ZBBX: variants seen among roughly 807,000 people sequenced by gnomAD.
ZBBX encodes the protein zinc finger B-box domain-containing protein 1.
In ZBBX, 101 loss-of-function variants were observed where a neutral mutation model predicts 108.5. The ratio of observed to expected loss-of-function variants is 0.93; its 90% CI spans 0.79 to 1.10. ZBBX has a LOEUF of 1.10. Among genes scored for constraint, ZBBX ranks in the 50% least tolerant of loss-of-function variants. ZBBX has a pLI of 0.00. For synonymous variants in ZBBX, 356 were observed against 323.4 expected (o/e 1.10, Z -1.08); for missense variants, 1,009 against 941.4 (o/e 1.07, Z -0.94).
chr3:167,286,547 T>G (rs972183056), intron 19 of ZBBX, among the ~76,000 whole-genome samples: 4 of 152,094 alleles, frequency 2.6e-5, no homozygotes, highest in Admixed American at 2.0e-4. Context: ...GAAGTAAAAG[T>G]GAAAATGGGA....
chr3:167,394,238 G>A (rs950075198), intron 1 of ZBBX, among the ~76,000 whole-genome samples: 1 of 151,858 alleles, frequency 6.6e-6, no homozygotes, highest in Admixed American at 6.6e-5. Context: ...GTTTCAAAGG[G>A]TTTTTCAGTG....
At chr3:167,185,684 C>T in the ZBBX span, among the ~76,000 whole-genome samples, 9 of 152,156 alleles carry the variant, frequency 5.9e-5, no homozygotes, top group Non-Finnish European at 7.4e-5. Flanking sequence ...CATTCACAAC[C>T]TTGCCATTCC....
chr3:167,238,183 G>A (rs1235152232), downstream of ZBBX, among the ~76,000 whole-genome samples: 1 of 151,906 alleles, frequency 6.6e-6, no homozygotes, highest in Non-Finnish European at 1.5e-5. Flanking sequence ...TTTAACTATA[G>A]ATACTAAAAT....
chr3:167,368,857 T>C, intron 4 of ZBBX: 1 of 397,338 alleles, frequency 2.5e-6, no homozygotes, highest in Non-Finnish European at 3.6e-6. Context: ...TTTTTATATA[T>C]GAACAAATAT....
chr3:167,265,598 C>A (rs1725319749), intron 20 of ZBBX, among the ~76,000 whole-genome samples: 1 of 152,158 alleles, frequency 6.6e-6, no homozygotes, highest in Non-Finnish European at 1.5e-5. Flanking sequence ...TGGTGTCTCT[C>A]TAGGTCATGT....
the ZBBX span, among the ~76,000 whole-genome samples, chr3:167,218,798 A>C: frequency 6.6e-6 from 1 of 152,094 alleles, no homozygotes; most frequent in Non-Finnish European, 1.5e-5. Flanking sequence ...GATTGCATAT[A>C]AATGGACTAA....
At position 167,329,343 on chromosome 3, in the gene ZBBX, A is replaced by G. The variant is rs561364013; in HGVS notation, c.688-1227T>C. On this transcript the variant is annotated intron_variant, in intron 10 of 21. Coordinates refer to ENST00000675490, the MANE Select transcript of ZBBX (RefSeq NM_001199201.2). ...TTAAGACATGAGAGTATAAATCTCT[A>G]TGTTCAGCCCGCAATTGAAAAATAA... is the stretch of plus-strand genomic sequence containing the variant. Among the ~76,000 whole-genome samples the G allele has an allele frequency of 9.2e-5, 14 of 152,340 alleles. 1 individual carries two copies. In the South Asian group the frequency reaches 1.0e-3, roughly 11 times the overall value.
chr3:167,289,298 T>C (rs1230372827), intron 18 of ZBBX, among the ~76,000 whole-genome samples: 2 of 152,022 alleles, frequency 1.3e-5, no homozygotes, highest in Non-Finnish European at 2.9e-5. Flanking sequence ...AAATGGAAAC[T>C]AAAAAATCAT....
At chr3:167,371,657 C>T (rs553411448) in intron 4 of ZBBX, among the ~76,000 whole-genome samples, 108 of 152,264 alleles carry the variant, frequency 7.1e-4, no homozygotes, top group African/African-American at 2.5e-3. Context: ...TGAAATATGT[C>T]ACTAAAATCA....
chr3:167,371,885 G>T (rs949368322), intron 4 of ZBBX, among the ~76,000 whole-genome samples: 2 of 152,064 alleles, frequency 1.3e-5, no homozygotes, highest in Non-Finnish European at 2.9e-5. Context: ...CAAAACTATT[G>T]ATCTGGATCA....
chr3:167,362,858 G>T (rs1744744511), intron 6 of ZBBX, among the ~76,000 whole-genome samples: 1 of 152,038 alleles, frequency 6.6e-6, no homozygotes, highest in African/African-American at 2.4e-5. Flanking sequence ...CTTATTGCTT[G>T]TGTCAATATC....
At chr3:167,362,903 T>C (rs998561446) in intron 6 of ZBBX, among the ~76,000 whole-genome samples, 7 of 152,028 alleles carry the variant, frequency 4.6e-5, no homozygotes, top group Admixed American at 2.6e-4. Context: ...AGCAACCTGC[T>C]CGGTATTTCT....
intron 9 of ZBBX, among the ~76,000 whole-genome samples, chr3:167,348,273 A>G (rs1208512228): frequency 7.3e-6 from 1 of 136,314 alleles, no homozygotes; most frequent in Non-Finnish European, 1.6e-5. Context: ...GAAGGAAGGA[A>G]GGAAGGAAGG....
rs1736555036 is a variant in ZBBX at position 167,322,172 on chromosome 3, G to C, written c.928C>G (p.Leu310Val). The part of the protein sequence containing the change: ...KIWREPLNIE[L>V]KEDILSYMEK... ...ATATAGGATAGAATGTCTTCTTTAA[G>C]TTCAATATTAAGTGGTTCTCTCCAA... is the stretch of plus-strand genomic sequence containing the variant. The change falls in exon 12 of 22, where the codon CTT becomes GTT. Residue 310 changes from leucine to valine, a missense_variant. Leu to Val is a conservative substitution (Grantham distance 32, BLOSUM62 1). Coordinates refer to ENST00000675490, the MANE Select transcript of ZBBX (RefSeq NM_001199201.2). 9 of 1,464,224 alleles carry C rather than the reference G, an allele frequency of 6.1e-6. No individual in the cohort carries two copies. In the East Asian group the frequency reaches 2.3e-4, roughly 38 times the overall value. The allele number at this position is 1,464,224 out of a possible 1,614,324, so 90.7% of individuals were successfully genotyped here. A position where few individuals can be genotyped will look rare whatever the true frequency, so the allele number is the denominator to read the frequency against.
chr3:167,406,876 C>A (rs898049504), intron 1 of ZBBX, among the ~76,000 whole-genome samples: 3 of 152,100 alleles, frequency 2.0e-5, no homozygotes, highest in African/African-American at 7.2e-5. Context: ...TTGGGAAAAT[C>A]TTTTAATTTG....
chr3:167,372,828 A>G lies in ZBBX; in HGVS notation c.68+6T>C. The G allele has an allele frequency of 7.3e-7, 1 of 1,373,088 alleles. No individual in the cohort carries two copies. The highest frequency in any genetic ancestry group is 1.0e-6 in the Non-Finnish European group (1 of 974,526). The allele number at this position is 1,373,088 out of a possible 1,614,324, so 85.1% of individuals were successfully genotyped here. On this transcript the variant is annotated splice_donor_region_variant and intron_variant, in intron 4 of 21. Transcript: ENST00000675490. ...CCTATTAAGAAATAAATATATATGA[A>G]CTCACCTATATTTTAGCTTTACAGA...
intron 1 of ZBBX, among the ~76,000 whole-genome samples, chr3:167,390,889 A>C (rs1246294127): frequency 1.3e-5 from 2 of 152,136 alleles, no homozygotes; most frequent in African/African-American, 2.4e-5. Flanking sequence ...TTTGGGGCTG[A>C]GACTATGGGG....
chr3:167,347,120 T>C (rs932269038), intron 9 of ZBBX, among the ~76,000 whole-genome samples: 6 of 152,054 alleles, frequency 3.9e-5, no homozygotes, highest in African/African-American at 1.4e-4. Context: ...CACTCACACA[T>C]AGTGAAACTG....
rs1292761744 is a variant in ZBBX, at chr3:167,305,685, C to G, written c.1683G>C (p.Lys561Asn). 3 of 1,606,674 alleles carry G rather than the reference C, an allele frequency of 1.9e-6. No individual in the cohort carries two copies. Among genetic ancestry groups the G allele is most frequent in the Non-Finnish European group, 2.5e-6 (3 of 1,177,900 alleles). Residue 561 changes from lysine (K) to asparagine (N), a missense_variant, in exon 17 of 22, where the codon AAG becomes AAC. Physicochemically the swap from Lys to Asn is moderately conservative, Grantham distance 94 (BLOSUM62 0). Transcript: ENST00000675490. ...TTTTTGATTCTTCAAAGCTTGGCCT[C>G]TTATACAGATTGCTCAATTCCAAGG... ...KESLELSNLY[K>N]RPSFEESKTT...
Sources: allele counts gnomAD v4.1 joint callset (sites outside exome capture counted in the v4.1 genomes callset), GRCh38; gene constraint gnomAD v4.1.1; transcripts MANE v1.5; gene names NCBI Gene and HGNC (gene_info 2026-07-23, HGNC 2026-07-21).